Variants in DSCAM observed in about 807,000 individuals in gnomAD.
The protein encoded by DSCAM is cell adhesion molecule DSCAM.
In DSCAM, 47 loss-of-function variants were observed where a neutral mutation model predicts 217.7. The ratio of observed to expected loss-of-function variants is 0.22; its 90% CI spans 0.17 to 0.28. The LOEUF (loss-of-function observed/expected upper bound fraction) is 0.28, where lower values mean the gene tolerates loss of function less well. Among genes scored for constraint, DSCAM ranks in the 10% least tolerant of loss-of-function variants. The pLI is 1.00. For missense variants in DSCAM, 2,080 were observed against 2,618.3 expected, an observed-to-expected ratio of 0.79 and a Z score of 4.49; for synonymous variants, 1,056 against 1,015.3, an observed-to-expected ratio of 1.04 and a Z score of -0.76.
chr21:40,667,568 C>T (rs1249339912), intron 3 of DSCAM, among the ~76,000 whole-genome samples: 7 of 152,252 alleles, frequency 4.6e-5, no homozygotes, highest in Admixed American at 4.6e-4. Flanking sequence ...AACATCTCAT[C>T]TTGTAGTTCC....
chr21:40,593,709 A>G (rs2077000580), intron 3 of DSCAM, among the ~76,000 whole-genome samples: 1 of 152,210 alleles, frequency 6.6e-6, no homozygotes, highest in Non-Finnish European at 1.5e-5. Flanking sequence ...CATGGTCATG[A>G]GTTCCTCACT....
At position 40,236,221 on chromosome 21, in the gene DSCAM, T is replaced by C. The variant is rs563184781; in HGVS notation, c.2356+39876A>G. ...TAGCAGGTTGCCTTGCTTTGTATGA[T>C]ATGCCAAGCACTGAGCCCAGGGTGT... On this transcript the variant is annotated intron_variant, in intron 11 of 32. Transcript: ENST00000400454. Among the ~76,000 whole-genome samples the C allele has an allele frequency of 5.6e-4, 86 of 152,340 alleles. 1 individual carries two copies. The highest frequency in any genetic ancestry group is 2.0e-3 in the African/African-American group (83 of 41,584).
At chr21:40,457,465 T>A (rs548663092) in intron 3 of DSCAM, among the ~76,000 whole-genome samples, 2 of 151,876 alleles carry the variant, frequency 1.3e-5, no homozygotes, top group East Asian at 3.9e-4. Flanking sequence ...TGAGCCACAG[T>A]TGCACCACGG....
At chr21:40,187,645 T>A (rs989278851) in intron 13 of DSCAM, among the ~76,000 whole-genome samples, 4 of 152,236 alleles carry the variant, frequency 2.6e-5, no homozygotes, top group African/African-American at 9.6e-5. Flanking sequence ...GTGGCTTGAC[T>A]GTCATGGGCT....
chr21:40,818,234 G>A (rs1404383849), intron 1 of DSCAM, among the ~76,000 whole-genome samples: 1 of 150,830 alleles, frequency 6.6e-6, no homozygotes, highest in Non-Finnish European at 1.5e-5. Flanking sequence ...CATGCGATGT[G>A]TTGTTTTCTT....
chr21:40,648,261 ACACACACACACACACACACACT>A lies in DSCAM; in HGVS notation c.508+44527_508+44548del, dbSNP rs1436980645. 6.8e-3 allele frequency among the ~76,000 whole-genome samples: 1,032 copies of A among 150,972 alleles called. 14 individuals are homozygous for A. The highest frequency in any genetic ancestry group is 0.023 in the African/African-American group (961 of 41,126). ...CATACATATCCCTGTACACACACAC[ACACACACACACACACACACACT>A]CACACACTGCTCAGCAAGTTTCTGA... On this transcript the variant is annotated intron_variant, in intron 3 of 32. Transcript: ENST00000400454.
At chr21:40,372,237 A>G (rs1406435163) in intron 3 of DSCAM, among the ~76,000 whole-genome samples, 2 of 152,190 alleles carry the variant, frequency 1.3e-5, no homozygotes, top group African/African-American at 4.8e-5. Flanking sequence ...TTTCCATGTC[A>G]TATGGATTAA....
chr21:40,301,375 C>T (rs573846957), intron 9 of DSCAM, among the ~76,000 whole-genome samples: 1 of 152,298 alleles, frequency 6.6e-6, no homozygotes, highest in Non-Finnish European at 1.5e-5. Context: ...GTGACATTCT[C>T]CTCTTGCAGG....
At chr21:40,389,381 A>G (rs1217993402) in intron 3 of DSCAM, among the ~76,000 whole-genome samples, 3 of 152,220 alleles carry the variant, frequency 2.0e-5, no homozygotes. Context: ...AATGTTCTAA[A>G]AAAGACATCT....
At chr21:40,064,886 A>T (rs1456782697) in intron 27 of DSCAM, among the ~76,000 whole-genome samples, 2 of 152,134 alleles carry the variant, frequency 1.3e-5, no homozygotes, top group African/African-American at 4.8e-5. Flanking sequence ...AAAGGAGGGC[A>T]GAGGTGGGTG....
At chr21:40,750,670 G>T (rs2091218799) in intron 1 of DSCAM, among the ~76,000 whole-genome samples, 1 of 151,674 alleles carries the variant, frequency 6.6e-6, no homozygotes, top group Non-Finnish European at 1.5e-5. Flanking sequence ...TGTTGAATTT[G>T]CATCAGAAAC....
chr21:40,302,118 A>G (rs1473815509), intron 9 of DSCAM, among the ~76,000 whole-genome samples: 2 of 152,188 alleles, frequency 1.3e-5, no homozygotes, highest in Admixed American at 6.5e-5. Context: ...TTTTATTAGT[A>G]TAACACATTA....
chr21:40,461,239 C>A (rs1464855188), intron 3 of DSCAM, among the ~76,000 whole-genome samples: 3 of 151,952 alleles, frequency 2.0e-5, no homozygotes, highest in Non-Finnish European at 2.9e-5. Flanking sequence ...GAAAGGATAC[C>A]CGAGAAACTG....
chr21:40,282,527 C>T (rs2073775012), intron 10 of DSCAM, among the ~76,000 whole-genome samples: 1 of 132,148 alleles, frequency 7.6e-6, no homozygotes, highest in Non-Finnish European at 1.6e-5. Flanking sequence ...GGAGGCAGAG[C>T]TTGCAGTGAG....
intron 16 of DSCAM, among the ~76,000 whole-genome samples, chr21:40,156,963 C>T (rs542197002): frequency 4.6e-5 from 7 of 152,104 alleles, no homozygotes; most frequent in African/African-American, 7.2e-5. Context: ...GGCTCCCTCT[C>T]GAGAGATCAT....
Position 40,080,303 on chromosome 21 carries a change from CTGCTCACTATTG to C in DSCAM, c.4257_4268del (p.Asp1419_Gln1423delinsGlu). ...TGGGGCTGATTGGAAAACTCCCCCA[CTGCTCACTATTG>C]TCCTCGGAGTACTGCAGTATGTATC... On this transcript the variant is annotated inframe_deletion, in exon 25 of 33. Transcript: ENST00000400454. 1 of 1,613,286 alleles carries C rather than the reference CTGCTCACTATTG, an allele frequency of 6.2e-7. No individual in the cohort carries two copies. The highest frequency in any genetic ancestry group is 8.5e-7 in the Non-Finnish European group (1 of 1,179,786).
chr21:40,436,785 A>G (rs988260860), intron 3 of DSCAM, among the ~76,000 whole-genome samples: 1 of 152,218 alleles, frequency 6.6e-6, no homozygotes, highest in African/African-American at 2.4e-5. Flanking sequence ...CTAAGAGCAC[A>G]GTCTTTTGGG....
intron 3 of DSCAM, among the ~76,000 whole-genome samples, chr21:40,612,143 G>A (rs1323598221): frequency 6.6e-6 from 1 of 152,094 alleles, no homozygotes; most frequent in Non-Finnish European, 1.5e-5. Flanking sequence ...ACGCTTAGAG[G>A]GTGACATGAT....
At chr21:40,169,135 G>A (rs1477606934) in intron 15 of DSCAM, among the ~76,000 whole-genome samples, 1 of 152,126 alleles carries the variant, frequency 6.6e-6, no homozygotes, top group Admixed American at 6.5e-5. Context: ...TATGGAGTGA[G>A]TGGGGCAAAG....
Sources: gnomAD v4.1 joint callset for allele counts (sites outside exome capture counted in the v4.1 genomes callset) on GRCh38, gnomAD v4.1.1 for gene constraint, MANE v1.5 for transcripts, NCBI Gene and HGNC (gene_info 2026-07-23, HGNC 2026-07-21) for gene names.